The following WWOX variants were observed in gnomAD, a reference collection of about 807,000 sequenced individuals.
WWOX encodes the protein WW domain-containing oxidoreductase.
In WWOX, 69 loss-of-function variants were observed where a neutral mutation model predicts 46.2. The observed-to-expected ratio is 1.49, with a 90% CI of 1.23 to 1.82. The LOEUF is 1.82. Among genes scored for constraint, WWOX ranks in the 40% most tolerant of loss-of-function variants. WWOX has a pLI of 0.00. For missense variants in WWOX, 919 were observed against 542.6 expected, an observed-to-expected ratio of 1.69 and a Z score of -6.89; for synonymous variants, 359 against 202.6, an observed-to-expected ratio of 1.77 and a Z score of -6.56.
Position 78,594,429 on chromosome 16 carries a change from G to GCCCCCCCCCCCCCCCCCCCCC in WWOX, c.1056+161693_1056+161694insCCCCCCCCCCCCCCCCCCCCC, listed in dbSNP as rs138806967. Among the ~76,000 whole-genome samples the GCCCCCCCCCCCCCCCCCCCCC allele has an allele frequency of 2.5e-4, 8 of 32,388 alleles. 2 individuals are homozygous for GCCCCCCCCCCCCCCCCCCCCC. The highest frequency in any genetic ancestry group is 6.8e-4 in the African/African-American group (5 of 7,374). The allele number at this position is 32,388 out of a possible 152,430, so 21.2% of individuals were successfully genotyped here. A position where few individuals can be genotyped will look rare whatever the true frequency, so the allele number is the denominator to read the frequency against. On this transcript the variant is annotated intron_variant, in intron 8 of 8. Coordinates refer to ENST00000566780, the MANE Select transcript of WWOX (RefSeq NM_016373.4). ...TCTTGACGAAGAAGACTGAGGAAAG[G>GCCCCCCCCCCCCCCCCCCCCC]CCCCCCCCCCCCCCCCGCCAAATTG...
At chr16:78,743,980 T>C (rs2142425992) in intron 8 of WWOX, among the ~76,000 whole-genome samples, 1 of 152,306 alleles carries the variant, frequency 6.6e-6, no homozygotes, top group South Asian at 2.1e-4. Context: ...CTACTTTTGT[T>C]GTTTCATTCT....
intron 8 of WWOX, among the ~76,000 whole-genome samples, chr16:78,753,362 C>T (rs930309213): frequency 1.3e-5 from 2 of 152,092 alleles, no homozygotes; most frequent in African/African-American, 4.8e-5. Flanking sequence ...AGGCAACTCT[C>T]ATTTCATTAT....
Position 78,765,975 on chromosome 16 carries a change from A to G in WWOX, c.1056+333223A>G, listed in dbSNP as rs1282335815. On this transcript the variant is annotated intron_variant, in intron 8 of 8. Coordinates refer to ENST00000566780, the MANE Select transcript of WWOX (RefSeq NM_016373.4). ...AGTGGCTTGAAAGTATAACAAAAGT[A>G]TGACTAGATCCAGGAAATACAGCTG... Among the ~76,000 whole-genome samples, 4 of 152,302 alleles carry G rather than the reference A, an allele frequency of 2.6e-5. No homozygotes were observed. The East Asian group carries it at 5.8e-4, about 22-fold the overall frequency.
intron 8 of WWOX, among the ~76,000 whole-genome samples, chr16:79,104,751 T>A (rs1033328091): frequency 4.6e-5 from 7 of 152,110 alleles, no homozygotes; most frequent in Admixed American, 2.0e-4. Flanking sequence ...CAGAGAGTCA[T>A]TTGGAGACCT....
intron 8 of WWOX, among the ~76,000 whole-genome samples, chr16:78,884,294 CAAAA>C (rs1567625302): frequency 3.0e-5 from 2 of 66,902 alleles, no homozygotes; most frequent in African/African-American, 6.1e-5. Flanking sequence ...AAAAAAAAAA[CAAAA>C]GACCATTTTT....
chr16:79,055,475 A>G (rs547122035), intron 8 of WWOX, among the ~76,000 whole-genome samples: 5 of 152,298 alleles, frequency 3.3e-5, no homozygotes, highest in Non-Finnish European at 5.9e-5. Context: ...AGCCATGTGG[A>G]GAGGCCTTGT....
At chr16:78,475,005 T>C (rs961909674) in intron 8 of WWOX, among the ~76,000 whole-genome samples, 12 of 152,230 alleles carry the variant, frequency 7.9e-5, no homozygotes, top group Non-Finnish European at 1.5e-4. Context: ...AGATTCATCT[T>C]TGTAGCCACC....
intron 8 of WWOX, among the ~76,000 whole-genome samples, chr16:79,139,832 G>A (rs1035495499): frequency 4.6e-5 from 7 of 152,210 alleles, no homozygotes. Context: ...TTTAGTGACA[G>A]TATCTACTAA....
intron 8 of WWOX, among the ~76,000 whole-genome samples, chr16:78,776,880 C>T (rs73573797): frequency 2.0e-5 from 3 of 152,244 alleles, no homozygotes; most frequent in African/African-American, 7.2e-5. Flanking sequence ...GGGGGAACCA[C>T]CCCCATCATC....
intron 4 of WWOX, among the ~76,000 whole-genome samples, chr16:78,123,075 C>G (rs1212876909): frequency 6.6e-6 from 1 of 152,106 alleles, no homozygotes; most frequent in Non-Finnish European, 1.5e-5. Flanking sequence ...TAAATAATGT[C>G]TTTTACTTTT....
intron 8 of WWOX, among the ~76,000 whole-genome samples, chr16:79,121,700 G>C (rs1223459195): frequency 1.3e-5 from 2 of 152,184 alleles, no homozygotes; most frequent in Admixed American, 6.5e-5. Flanking sequence ...GAAGAGAAAA[G>C]AATCCGAACT....
intron 5 of WWOX, among the ~76,000 whole-genome samples, chr16:78,182,421 A>G (rs768626764): frequency 1.3e-4 from 19 of 151,882 alleles, no homozygotes; most frequent in Non-Finnish European, 1.8e-4. Flanking sequence ...GTCTCTCTGC[A>G]TCTTGGCACA....
intron 8 of WWOX, among the ~76,000 whole-genome samples, chr16:78,580,619 C>T (rs1005763891): frequency 9.9e-5 from 15 of 152,216 alleles, no homozygotes; most frequent in African/African-American, 3.6e-4. Context: ...TACAATCCAA[C>T]AACTCTGGTA....
At chr16:78,264,045 A>ATTTATCTCT (rs1241035011) in intron 5 of WWOX, among the ~76,000 whole-genome samples, 1 of 104,570 alleles carries the variant, frequency 9.6e-6, no homozygotes, top group East Asian at 3.0e-4. Flanking sequence ...CAAAATGTTC[A>ATTTATCTCT]TTTATCTCTG....
At chr16:78,125,490 C>G (rs757802943) in intron 4 of WWOX, among the ~76,000 whole-genome samples, 1 of 152,134 alleles carries the variant, frequency 6.6e-6, no homozygotes, top group Non-Finnish European at 1.5e-5. Context: ...TGTGCCCGGT[C>G]AAGTGCTGGG....
At chr16:78,540,789 C>T (rs537675930) in intron 8 of WWOX, among the ~76,000 whole-genome samples, 48 of 152,208 alleles carry the variant, frequency 3.2e-4, no homozygotes, top group African/African-American at 8.7e-4. Context: ...TGAGCCCAAG[C>T]GATCTTCCCA....
At chr16:78,509,722 C>G (rs938668458) in intron 8 of WWOX, among the ~76,000 whole-genome samples, 4 of 152,066 alleles carry the variant, frequency 2.6e-5, no homozygotes, top group African/African-American at 4.8e-5. Flanking sequence ...ATTGTCTTGA[C>G]TTAGAAAGTG....
At chr16:78,465,019 A>G (rs548120213) in intron 8 of WWOX, among the ~76,000 whole-genome samples, 1 of 152,290 alleles carries the variant, frequency 6.6e-6, no homozygotes, top group African/African-American at 2.4e-5. Context: ...GCAGACAAGA[A>G]AGCGTGTGCA....
chr16:78,538,912 T>G (rs1402129868), intron 8 of WWOX, among the ~76,000 whole-genome samples: 1 of 152,252 alleles, frequency 6.6e-6, no homozygotes, highest in Non-Finnish European at 1.5e-5. Flanking sequence ...TTTATATGTT[T>G]CTTCTGTTGC....
Sources: gnomAD v4.1 joint callset for allele counts (sites outside exome capture counted in the v4.1 genomes callset) on GRCh38, gnomAD v4.1.1 for gene constraint, MANE v1.5 for transcripts, NCBI Gene and HGNC (gene_info 2026-07-23, HGNC 2026-07-21) for gene names.